The following GTF2IRD2 variants were observed in gnomAD, a reference collection of about 807,000 sequenced individuals.
GTF2IRD2 encodes the protein GTF2I repeat domain containing 2.
In GTF2IRD2, 8 loss-of-function variants were observed where a neutral mutation model predicts 49.2. That is an observed-to-expected ratio of 0.16 (90% CI 0.10 to 0.29). GTF2IRD2 has a LOEUF of 0.29. Among genes scored for constraint, GTF2IRD2 ranks in the 10% least tolerant of loss-of-function variants. The pLI, the probability that GTF2IRD2 is intolerant of heterozygous loss-of-function variation, is 1.00. For missense variants in GTF2IRD2, 130 were observed against 725.7 expected, an observed-to-expected ratio of 0.18 and a Z score of 9.43; for synonymous variants, 47 against 289.7, an observed-to-expected ratio of 0.16 and a Z score of 8.51.
intron 1 of GTF2IRD2, among the ~76,000 whole-genome samples, chr7:74,839,859 G>C (rs1800636400): frequency 9.0e-6 from 1 of 111,540 alleles, no homozygotes; most frequent in Admixed American, 9.7e-5. Flanking sequence ...AATTAGCTGG[G>C]CATGGTGGCA....
intron 9 of GTF2IRD2, 129 bp downstream of exon 9, chr7:74,812,610 C>G (rs1392962562): frequency 8.2e-6 from 2 of 244,668 alleles, no homozygotes; most frequent in African/African-American, 4.3e-5. Context: ...ATTATTTACT[C>G]TAAATGGCAG....
intron 15 of GTF2IRD2, among the ~76,000 whole-genome samples, chr7:74,798,601 T>G (rs1224484466): frequency 6.7e-6 from 1 of 149,984 alleles, no homozygotes; most frequent in Non-Finnish European, 1.5e-5. Context: ...TTCTGCCTCC[T>G]GGGTTCAAGC....
intron 3 of GTF2IRD2, among the ~76,000 whole-genome samples, chr7:74,829,887 C>CAAAAAAACAA (rs199938539): frequency 5.0e-5 from 3 of 59,830 alleles, no homozygotes; most frequent in African/African-American, 1.8e-4. Context: ...GATTCTGTCT[C>CAAAAAAACAA]AAAAAAAAAA....
intron 3 of GTF2IRD2, among the ~76,000 whole-genome samples, chr7:74,831,521 AC>A (rs1188413577): frequency 2.0e-5 from 3 of 148,860 alleles, no homozygotes; most frequent in Non-Finnish European, 3.0e-5. Context: ...ACACACACAC[AC>A]ACACACACAC....
chr7:74,809,848 G>C (rs1798016961), intron 10 of GTF2IRD2, among the ~76,000 whole-genome samples: 1 of 118,152 alleles, frequency 8.5e-6, no homozygotes, highest in African/African-American at 2.9e-5. Context: ...GGCTGGAGTG[G>C]AATGGTGCGA....
chr7:74,823,092 T>C (rs2131721796), intron 4 of GTF2IRD2, among the ~76,000 whole-genome samples: 1 of 105,194 alleles, frequency 9.5e-6, no homozygotes, highest in Middle Eastern at 4.1e-3. Flanking sequence ...TTTCCCAGAC[T>C]GGTCTCGAAC....
chr7:74,812,391 CA>C (rs587632131), intron 9 of GTF2IRD2, among the ~76,000 whole-genome samples: 2,272 of 46,280 alleles, frequency 0.049, 357 homozygotes, highest in Middle Eastern at 0.09. Flanking sequence ...GATTCTGTCT[CA>C]AAAAAAAAAA....
At chr7:74,806,297 G>GATTATT (rs587746220) in intron 12 of GTF2IRD2, among the ~76,000 whole-genome samples, 7 of 135,232 alleles carry the variant, frequency 5.2e-5, no homozygotes, top group African/African-American at 1.9e-4. Flanking sequence ...CAGAAAAGAA[G>GATTATT]ATTATTATTA....
intron 15 of GTF2IRD2, among the ~76,000 whole-genome samples, chr7:74,800,337 C>G (rs1181522350): frequency 2.1e-5 from 3 of 141,022 alleles, no homozygotes; most frequent in East Asian, 2.1e-4. Context: ...CTCAGCCTCC[C>G]GAGTAGCTGG....
chr7:74,841,847 C>T (rs1800857983), intron 1 of GTF2IRD2, among the ~76,000 whole-genome samples: 1 of 141,380 alleles, frequency 7.1e-6, no homozygotes, highest in Non-Finnish European at 1.5e-5. Context: ...CTGTGATGGC[C>T]GGGCACAGTG....
intron 8 of GTF2IRD2, among the ~76,000 whole-genome samples, chr7:74,815,831 A>AAAGG: frequency 9.3e-6 from 1 of 107,910 alleles, no homozygotes; most frequent in East Asian, 2.3e-4. Context: ...AGAAAGAAAG[A>AAAGG]AAGAAAGAAA....
chr7:74,842,543 T>A (rs1800936230), intron 1 of GTF2IRD2, among the ~76,000 whole-genome samples: 1 of 143,906 alleles, frequency 6.9e-6, no homozygotes, highest in Non-Finnish European at 1.5e-5. Context: ...ATTTTTTAAA[T>A]TTTTATTTAT....
Position 74,822,626 on chromosome 7 carries a change from A to G in GTF2IRD2, c.540T>C (p.Asn180=), listed in dbSNP as rs1331002468. ...ENKAGISFII[N]RPFLGPESQL... ...GGCGGGGGTGCAGAGTGTGTCACCT[A>G]TTTATGATGAATGAAATCCCTGCTT... Residue 180 remains asparagine, a splice_region_variant and synonymous_variant, in exon 5 of 16, where the codon AAT becomes AAC. Coordinates refer to ENST00000451013, the MANE Select transcript of GTF2IRD2 (RefSeq NM_173537.5). The G allele has an allele frequency of 1.1e-5, 6 of 566,734 alleles. No individual in the cohort carries two copies. The highest frequency in any genetic ancestry group is 1.8e-5 in the Non-Finnish European group (6 of 327,104). The allele number at this position is 566,734 out of a possible 1,614,324, so 35.1% of individuals were successfully genotyped here. A position where few individuals can be genotyped will look rare whatever the true frequency, so the allele number is the denominator to read the frequency against.
chr7:74,826,757 G>T (rs1799434222), intron 3 of GTF2IRD2, among the ~76,000 whole-genome samples: 1 of 105,194 alleles, frequency 9.5e-6, no homozygotes, highest in Admixed American at 1.5e-4. Context: ...TGTTGCCTAA[G>T]CTGGAGTGCA....
chr7:74,842,532 T>C lies in GTF2IRD2; in HGVS notation c.-5-6149A>G, dbSNP rs1393606146. Among the ~76,000 whole-genome samples, 6 of 144,086 alleles carry C rather than the reference T, an allele frequency of 4.2e-5. 1 individual carries two copies. Among genetic ancestry groups the C allele is most frequent in the African/African-American group, 1.6e-4 (6 of 36,944 alleles). The allele number at this position is 144,086 out of a possible 152,430, so 94.5% of individuals were successfully genotyped here. On this transcript the variant is annotated intron_variant, in intron 1 of 15. Transcript: ENST00000451013. The stretch of plus-strand genomic sequence containing the variant: ...AGGTGTGAGGCACTATGCCCACCCC[T>C]ATTTTTTAAATTTTTATTTATTTTT...
rs1800320194 is a variant in GTF2IRD2, at chr7:74,836,283, G to T, written c.96C>A (p.Ser32=). 1 of 1,609,616 alleles carries T rather than the reference G, an allele frequency of 6.2e-7. No individual in the cohort carries two copies. The highest frequency in any genetic ancestry group is 1.7e-5 in the Admixed American group (1 of 59,926). The change falls in exon 2 of 16, where the codon TCC becomes TCA. Residue 32 remains serine (S), a synonymous_variant. Transcript: ENST00000451013. ...VVTFLVSALE[S]MCKELAKSKA... ...GACAAGTGTCAGGCTGTCTCACCATGGATTCGAGGGCAGACACGAGGAATG... is the reference window on the plus strand; with the variant it reads ...GACAAGTGTCAGGCTGTCTCACCATTGATTCGAGGGCAGACACGAGGAATG...
chr7:74,809,846 T>A (rs1185088794), intron 10 of GTF2IRD2, among the ~76,000 whole-genome samples: 1 of 118,094 alleles, frequency 8.5e-6, no homozygotes, highest in Middle Eastern at 3.9e-3. Context: ...CAGGCTGGAG[T>A]GGAATGGTGC....
chr7:74,820,291 C>CT, intron 6 of GTF2IRD2: 1 of 279,130 alleles, frequency 3.6e-6, no homozygotes, highest in Non-Finnish European at 6.3e-6. Flanking sequence ...AGCTGGGCTG[C>CT]CTCCAGCAAC....
At chr7:74,835,840 C>T (rs1270363430) in intron 2 of GTF2IRD2, among the ~76,000 whole-genome samples, 1 of 99,610 alleles carries the variant, frequency 1.0e-5, no homozygotes. Flanking sequence ...AAAAAATAAG[C>T]CGGGCGTAGT....
Sources: gnomAD v4.1 joint callset for allele counts (sites outside exome capture counted in the v4.1 genomes callset) on GRCh38, gnomAD v4.1.1 for gene constraint, MANE v1.5 for transcripts, NCBI Gene and HGNC (gene_info 2026-07-23, HGNC 2026-07-21) for gene names.